The following DGKB variants were observed in gnomAD, a reference collection of about 807,000 sequenced individuals.
The protein encoded by DGKB is 90 kDa diacylglycerol kinase.
DGKB carries 67 observed loss-of-function variants against 114.3 expected under a neutral mutation model. The ratio of observed to expected loss-of-function variants is 0.59; its 90% CI spans 0.48 to 0.72. The LOEUF (loss-of-function observed/expected upper bound fraction) is 0.72. Ranked by LOEUF, DGKB falls within the 30% of genes least tolerant of loss-of-function variation. The pLI is 0.00. For missense variants in DGKB, 907 were observed against 975.2 expected (o/e 0.93, Z 0.93); for synonymous variants, 398 against 323.1 (o/e 1.23, Z -2.49).
At chr7:14,849,884 C>G (rs1849116694) in intron 1 of DGKB, among the ~76,000 whole-genome samples, 3 of 152,084 alleles carry the variant, frequency 2.0e-5, no homozygotes, top group Admixed American at 1.3e-4. Flanking sequence ...AAAATAGACA[C>G]TATCCATCAC....
At chr7:14,870,585 C>G (rs1852307655) in intron 1 of DGKB, among the ~76,000 whole-genome samples, 1 of 152,088 alleles carries the variant, frequency 6.6e-6, no homozygotes, top group Non-Finnish European at 1.5e-5. Context: ...ATCGCGACAT[C>G]AGGCGTTTGA....
At position 14,409,495 on chromosome 7, in the gene DGKB, C is replaced by T; in HGVS notation, c.1836-64104G>A. On this transcript the variant is annotated intron_variant, in intron 21 of 25. Transcript: ENST00000402815. ...GGCCGAGGCGGGTGGATCATGAGGT[C>T]AGGAGATCGAGACCATCCTGGCTAA... 1.6e-4 allele frequency among the ~76,000 whole-genome samples: 2 copies of T among 12,440 alleles called. 1 individual carries two copies. The highest frequency in any genetic ancestry group is 6.7e-4 in the Non-Finnish European group (2 of 2,968). The allele number at this position is 12,440 out of a possible 152,430, so 8.2% of individuals were successfully genotyped here.
intron 5 of DGKB, among the ~76,000 whole-genome samples, chr7:14,723,588 T>C (rs1307917033): frequency 6.6e-5 from 10 of 150,868 alleles, no homozygotes; most frequent in African/African-American, 2.2e-4. Flanking sequence ...TGTGTGTATA[T>C]ACACATACAC....
intron 23 of DGKB, among the ~76,000 whole-genome samples, chr7:14,204,196 A>G (rs543537240): frequency 3.2e-4 from 49 of 152,150 alleles, no homozygotes; most frequent in African/African-American, 1.1e-3. Flanking sequence ...ATATTATAGT[A>G]AATTACATAC....
chr7:14,565,273 A>G (rs1431513), intron 20 of DGKB, among the ~76,000 whole-genome samples: 50,541 of 151,926 alleles, frequency 0.33, 9,780 homozygotes, highest in South Asian at 0.5. Context: ...TCAGCCTACT[A>G]ACAGCTAGAA....
chr7:14,384,345 T>C (rs1819977923), intron 21 of DGKB, among the ~76,000 whole-genome samples: 1 of 152,234 alleles, frequency 6.6e-6, no homozygotes, highest in Non-Finnish European at 1.5e-5. Context: ...CTTGACTTCC[T>C]TTTTTGTAAA....
intron 23 of DGKB, 51 bp from the exon 24 acceptor site, chr7:14,178,202 C>A: frequency 1.3e-6 from 2 of 1,574,118 alleles, no homozygotes; most frequent in African/African-American, 1.4e-5. Context: ...CATATGTCCA[C>A]AATTTAATGC....
intron 13 of DGKB, among the ~76,000 whole-genome samples, chr7:14,647,103 A>C (rs2128888069): frequency 6.6e-6 from 1 of 152,122 alleles, no homozygotes; most frequent in East Asian, 1.9e-4. Context: ...CTCAATAAAT[A>C]AAACCAGAAA....
intron 21 of DGKB, among the ~76,000 whole-genome samples, chr7:14,476,971 C>T (rs569833739): frequency 1.6e-4 from 25 of 151,962 alleles, no homozygotes; most frequent in Non-Finnish European, 3.4e-4. Flanking sequence ...AGGCTGGTCT[C>T]GAACTCCCGA....
intron 25 of DGKB, among the ~76,000 whole-genome samples, chr7:14,166,486 C>T (rs1347327341): frequency 6.6e-6 from 1 of 152,064 alleles, no homozygotes; most frequent in Non-Finnish European, 1.5e-5. Context: ...TAATAATATG[C>T]CAATCTGATG....
chr7:14,334,362 A>ATGTGTGTGTGTG (rs750329719), intron 23 of DGKB, among the ~76,000 whole-genome samples: 7 of 144,830 alleles, frequency 4.8e-5, no homozygotes, highest in African/African-American at 1.9e-4. Context: ...GTATATACAT[A>ATGTGTGTGTGTG]TGTGTGTGTG....
rs185469244 is a variant in DGKB at position 14,187,714 on chromosome 7, C to G, written c.2123-9563G>C. Among the ~76,000 whole-genome samples, 220 of 152,170 alleles carry G rather than the reference C, an allele frequency of 1.4e-3. 1 individual carries two copies. The highest frequency in any genetic ancestry group is 5.1e-3 in the African/African-American group (211 of 41,510). ...ACTTGTTTACAGGAAAACATTTATC[C>G]CTACAAAAGCTACTCCATAATGTTG... is the stretch of plus-strand genomic sequence containing the variant. On this transcript the variant is annotated intron_variant, in intron 23 of 25. Transcript: ENST00000402815.
intron 7 of DGKB, among the ~76,000 whole-genome samples, chr7:14,699,638 G>A (rs1824746089): frequency 6.6e-6 from 1 of 152,068 alleles, no homozygotes; most frequent in South Asian, 2.1e-4. Context: ...CCTCCAGTAG[G>A]TGAACTGCTA....
At chr7:14,771,787 C>G (rs1259172996) in intron 2 of DGKB, among the ~76,000 whole-genome samples, 2 of 152,106 alleles carry the variant, frequency 1.3e-5, no homozygotes, top group African/African-American at 4.8e-5. Flanking sequence ...GAATCCCCTT[C>G]CCCCTTTGTT....
At chr7:14,756,658 G>T (rs1489346782) in intron 3 of DGKB, among the ~76,000 whole-genome samples, 1 of 151,700 alleles carries the variant, frequency 6.6e-6, no homozygotes, top group Non-Finnish European at 1.5e-5. Flanking sequence ...ATATCTTGAG[G>T]GTTATGATAA....
chr7:14,153,987 C>G (rs935176625), intron 25 of DGKB, among the ~76,000 whole-genome samples: 3 of 151,766 alleles, frequency 2.0e-5, no homozygotes, highest in African/African-American at 7.3e-5. Context: ...CCCTTTAAAA[C>G]GTATTTGGGG....
chr7:14,427,182 C>A (rs1428109750), intron 21 of DGKB, among the ~76,000 whole-genome samples: 1 of 152,046 alleles, frequency 6.6e-6, no homozygotes, highest in South Asian at 2.1e-4. Flanking sequence ...GAGCAGCAAA[C>A]CACCATGGCA....
intron 2 of DGKB, among the ~76,000 whole-genome samples, chr7:14,839,407 C>CTTTTTTTTTT (rs911581318): frequency 7.6e-6 from 1 of 130,948 alleles, no homozygotes; most frequent in African/African-American, 2.9e-5. Flanking sequence ...TCTTCTTCTT[C>CTTTTTTTTTT]TTTTTTTTTT....
chr7:14,344,056 A>G (rs1812070507), intron 22 of DGKB, among the ~76,000 whole-genome samples: 1 of 149,158 alleles, frequency 6.7e-6, no homozygotes, highest in African/African-American at 2.4e-5. Flanking sequence ...ATAGATATAC[A>G]TGCATATAGT....
Sources: allele counts gnomAD v4.1 joint callset (sites outside exome capture counted in the v4.1 genomes callset), GRCh38; gene constraint gnomAD v4.1.1; transcripts MANE v1.5; gene names NCBI Gene and HGNC (gene_info 2026-07-23, HGNC 2026-07-21).